BMP2K: variants seen among roughly 807,000 people sequenced by gnomAD.
BMP2K encodes BMP-2-inducible protein kinase.
BMP2K carries 74 observed loss-of-function variants against 116.0 expected under a neutral mutation model. The ratio of observed to expected loss-of-function variants is 0.64; its 90% CI spans 0.53 to 0.77. BMP2K has a LOEUF of 0.77. Among genes scored for constraint, BMP2K ranks in the 30% least tolerant of loss-of-function variants. The pLI is 0.00. For synonymous variants in BMP2K, 486 were observed against 502.5 expected (o/e 0.97, Z 0.44); for missense variants, 1,365 against 1,403.6 (o/e 0.97, Z 0.44).
chr4:78,853,517 G>A (rs1731355756), intron 7 of BMP2K, among the ~76,000 whole-genome samples: 1 of 152,126 alleles, frequency 6.6e-6, no homozygotes, highest in Admixed American at 6.6e-5. Context: ...ACCATTTAGA[G>A]GAGAATGAGA....
chr4:78,815,442 G>C (rs1729292006), intron 1 of BMP2K, among the ~76,000 whole-genome samples: 1 of 152,154 alleles, frequency 6.6e-6, no homozygotes, highest in Non-Finnish European at 1.5e-5. Flanking sequence ...GAAGAAGAGA[G>C]ATGATAGCCT....
intron 3 of BMP2K, among the ~76,000 whole-genome samples, chr4:78,840,517 G>T (rs896842533): frequency 2.6e-5 from 4 of 152,048 alleles, no homozygotes; most frequent in Non-Finnish European, 4.4e-5. Context: ...TACCTGATTG[G>T]TCAGGTGTGA....
intron 1 of BMP2K, among the ~76,000 whole-genome samples, chr4:78,823,665 T>C (rs1729743830): frequency 6.6e-6 from 1 of 150,836 alleles, no homozygotes; most frequent in African/African-American, 2.4e-5. Flanking sequence ...TATAAATATA[T>C]AAATGGGGCC....
intron 6 of BMP2K, 137 bp from the exon 7 acceptor site, chr4:78,850,786 AT>A: frequency 1.3e-6 from 1 of 750,450 alleles, no homozygotes; most frequent in South Asian, 2.9e-5. Flanking sequence ...AAATATATTA[AT>A]TTTTTTAAGA....
intron 1 of BMP2K, among the ~76,000 whole-genome samples, chr4:78,823,475 CAT>C (rs548492768): frequency 2.1e-5 from 3 of 146,184 alleles, no homozygotes; most frequent in Admixed American, 6.9e-5. Context: ...CTCTCTCTCT[CAT>C]ATATATATAT....
At chr4:78,862,318 C>T (rs867395742) in intron 9 of BMP2K, among the ~76,000 whole-genome samples, 9 of 151,940 alleles carry the variant, frequency 5.9e-5, no homozygotes, top group African/African-American at 1.9e-4. Flanking sequence ...TATTAGGCTA[C>T]TTTGAGAGTG....
rs1301065641 is a variant in BMP2K at position 78,911,808 on chromosome 4, C to G, written c.3261C>G (p.Gly1087=). The part of the protein sequence containing the change: ...PDLSWHPPHQ[G]LSDIRADHNT... ...TGTCATGGCACCCTCCACATCAGGG[C>G]CTGAGCGACATCCGTGCTGATCACA... Residue 1087 remains glycine, a synonymous_variant, in exon 16 of 16, where the codon GGC becomes GGG. Transcript: ENST00000502613. 6.2e-7 allele frequency: 1 copy of G among 1,613,968 alleles called. No individual in the cohort carries two copies. Among genetic ancestry groups the G allele is most frequent in the Non-Finnish European group, 8.5e-7 (1 of 1,179,872 alleles).
rs143741208 is a variant in BMP2K, at chr4:78,827,394, C to T, written c.297+1239C>T. 7.1e-3 allele frequency among the ~76,000 whole-genome samples: 1,079 copies of T among 152,274 alleles called. 8 individuals are homozygous for T. The highest frequency in any genetic ancestry group is 0.011 in the Non-Finnish European group (729 of 68,020). The stretch of plus-strand genomic sequence containing the variant: ...ACTTGCCAGCTATGTTCAGGGTCTT[C>T]CTATCAGGGAATCTCATCCATAGCC... On this transcript the variant is annotated intron_variant, in intron 2 of 15. Transcript: ENST00000502613.
rs1287567494 is a variant in BMP2K at position 78,814,101 on chromosome 4, A to G, written c.179-11936A>G. On this transcript the variant is annotated intron_variant, in intron 1 of 15. Coordinates refer to ENST00000502613, the MANE Select transcript of BMP2K (RefSeq NM_198892.2). ...AATGGGGACTTGGAATGAGATGAAA[A>G]GTAGTGTTTTGTAGTGGGTGAAGGT... Among the ~76,000 whole-genome samples, 5 of 152,200 alleles carry G rather than the reference A, an allele frequency of 3.3e-5. No individual in the cohort carries two copies. The East Asian group carries it at 9.6e-4, about 29-fold the overall frequency.
chr4:78,802,527 A>G (rs1296055059), intron 1 of BMP2K, among the ~76,000 whole-genome samples: 1 of 152,166 alleles, frequency 6.6e-6, no homozygotes, highest in Non-Finnish European at 1.5e-5. Context: ...TCTACCTTGA[A>G]GTTATACATA....
intron 1 of BMP2K, among the ~76,000 whole-genome samples, chr4:78,809,397 A>G (rs926127414): frequency 1.3e-5 from 2 of 150,526 alleles, no homozygotes; most frequent in African/African-American, 4.9e-5. Context: ...TTTTTTCTTG[A>G]GACAGGGTCT....
intron 10 of BMP2K, 173 bp downstream of exon 10, chr4:78,865,893 G>A (rs1271995683): frequency 6.1e-6 from 4 of 655,278 alleles, no homozygotes; most frequent in South Asian, 5.1e-5. Flanking sequence ...CAATTCAATT[G>A]TTGTAGGCAA....
chr4:78,778,804 A>G (rs1157277301), intron 1 of BMP2K, among the ~76,000 whole-genome samples: 5 of 152,250 alleles, frequency 3.3e-5, no homozygotes, highest in Non-Finnish European at 2.9e-5. Flanking sequence ...CTGCCTGATC[A>G]TAAGATTGGG....
At chr4:78,823,783 G>C (rs1729748986) in intron 1 of BMP2K, among the ~76,000 whole-genome samples, 1 of 151,890 alleles carries the variant, frequency 6.6e-6, no homozygotes, top group Non-Finnish European at 1.5e-5. Context: ...CTATGTTTGG[G>C]AAAGCATTGT....
intron 15 of BMP2K, among the ~76,000 whole-genome samples, chr4:78,894,292 A>G (rs1417386122): frequency 6.6e-6 from 1 of 152,238 alleles, no homozygotes; most frequent in Non-Finnish European, 1.5e-5. Context: ...CTATAGCTCT[A>G]AAAGTCCTAG....
intron 15 of BMP2K, chr4:78,906,176 G>T (rs1159987026): frequency 6.6e-6 from 1 of 152,020 alleles, no homozygotes; most frequent in East Asian, 1.9e-4. Context: ...AGAGATAAAA[G>T]GATTAATAGT....
intron 1 of BMP2K, among the ~76,000 whole-genome samples, chr4:78,782,331 C>T (rs756857560): frequency 4.8e-4 from 73 of 152,210 alleles, no homozygotes; most frequent in Admixed American, 9.8e-4. Flanking sequence ...TCTGTCATCT[C>T]CACTACCAGA....
intron 1 of BMP2K, among the ~76,000 whole-genome samples, chr4:78,816,005 C>G (rs889984241): frequency 1.3e-5 from 2 of 152,154 alleles, no homozygotes; most frequent in Admixed American, 6.5e-5. Context: ...GGAATTCAGT[C>G]AAGGATTACG....
chr4:78,833,293 C>T (rs1416799165), intron 2 of BMP2K, among the ~76,000 whole-genome samples: 2 of 151,902 alleles, frequency 1.3e-5, no homozygotes, highest in Non-Finnish European at 2.9e-5. Flanking sequence ...ATATTTTATT[C>T]TCAAGTTCTT....
Sources: allele counts gnomAD v4.1 joint callset (sites outside exome capture counted in the v4.1 genomes callset), GRCh38; gene constraint gnomAD v4.1.1; transcripts MANE v1.5; gene names NCBI Gene and HGNC (gene_info 2026-07-23, HGNC 2026-07-21).